Variants in ARFIP1 observed in about 807,000 individuals in gnomAD.
The protein encoded by ARFIP1 is arfaptin-1.
Under a neutral mutation model 42.5 loss-of-function variants are expected in ARFIP1, and 24 were observed. The observed-to-expected ratio is 0.57, with a 90% CI of 0.41 to 0.80. The LOEUF (loss-of-function observed/expected upper bound fraction) is 0.80. Ranked by LOEUF, ARFIP1 falls within the 30% of genes least tolerant of loss-of-function variation. ARFIP1 has a pLI of 0.00. For synonymous variants in ARFIP1, 141 were observed against 153.7 expected, an observed-to-expected ratio of 0.92 and a Z score of 0.61; for missense variants, 354 against 434.0, an observed-to-expected ratio of 0.82 and a Z score of 1.64.
chr4:152,831,801 T>C (rs1731261367), intron 2 of ARFIP1, among the ~76,000 whole-genome samples: 1 of 152,146 alleles, frequency 6.6e-6, no homozygotes. Flanking sequence ...CTGGGATACA[T>C]ATGCAGAACG....
In ARFIP1 at chr4:152,882,779, T is replaced by A. The variant is rs751187430; in HGVS notation, c.690T>A (p.Thr230=). ...TQKLLAKNGE[T]LLGAINFFIA... is the part of the protein sequence containing the mutation. ...AACTGCTGGCTAAAAATGGAGAGACTCTTCTTGGGGCCATTAATTTTTTCA... is the reference window on the plus strand; with the variant it reads ...AACTGCTGGCTAAAAATGGAGAGACACTTCTTGGGGCCATTAATTTTTTCA... The change falls in exon 7 of 9, where the codon ACT becomes ACA. Residue 230 remains threonine, a synonymous_variant. Transcript: ENST00000353617. The A allele has an allele frequency of 1.2e-6, 2 of 1,613,448 alleles. No individual in the cohort carries two copies. The highest frequency in any genetic ancestry group is 1.7e-4 in the Middle Eastern group (1 of 6,054).
At chr4:152,898,599 C>A (rs894639963) in intron 8 of ARFIP1, among the ~76,000 whole-genome samples, 1 of 152,056 alleles carries the variant, frequency 6.6e-6, no homozygotes, top group Non-Finnish European at 1.5e-5. Context: ...AACTTACAGT[C>A]TAAAGGAGGA....
chr4:152,853,566 T>C (rs1231770837), intron 2 of ARFIP1, among the ~76,000 whole-genome samples: 1 of 152,218 alleles, frequency 6.6e-6, no homozygotes, highest in African/African-American at 2.4e-5. Context: ...TAGACACTTT[T>C]CTTGCTGTTT....
chr4:152,859,412 A>G (rs1317691921), intron 2 of ARFIP1, among the ~76,000 whole-genome samples: 1 of 152,194 alleles, frequency 6.6e-6, no homozygotes, highest in Non-Finnish European at 1.5e-5. Context: ...TTTTATGTAC[A>G]GTAGGTAACC....
In ARFIP1 at chr4:152,860,689, A is replaced by G. The variant is rs968571880; in HGVS notation, c.94-2917A>G. 2.6e-5 allele frequency among the ~76,000 whole-genome samples: 4 copies of G among 152,234 alleles called. No homozygotes were observed. The East Asian group carries it at 7.7e-4, about 29-fold the overall frequency. On this transcript the variant is annotated intron_variant, in intron 2 of 8. Transcript: ENST00000353617. ...ACTACAGGATAAAGGAGCCATTCCC[A>G]GACACAATCCCCTCCGTTTAATTTA...
At chr4:152,850,160 G>A (rs1017627856) in intron 2 of ARFIP1, among the ~76,000 whole-genome samples, 1 of 152,180 alleles carries the variant, frequency 6.6e-6, no homozygotes, top group African/African-American at 2.4e-5. Context: ...TCATGGAACA[G>A]ATTTTAAGTG....
At chr4:152,788,267 T>G (rs1002210707) in intron 1 of ARFIP1, among the ~76,000 whole-genome samples, 1 of 152,194 alleles carries the variant, frequency 6.6e-6, no homozygotes, top group Non-Finnish European at 1.5e-5. Context: ...ATATAAAATA[T>G]AGCAATATAG....
At chr4:152,864,123 C>T (rs1734121929) in intron 3 of ARFIP1, among the ~76,000 whole-genome samples, 1 of 152,136 alleles carries the variant, frequency 6.6e-6, no homozygotes, top group Admixed American at 6.5e-5. Flanking sequence ...CAAGACCACA[C>T]TCATTAAAAG....
At chr4:152,900,461 A>G (rs1179490367) in intron 8 of ARFIP1, among the ~76,000 whole-genome samples, 1 of 152,040 alleles carries the variant, frequency 6.6e-6, no homozygotes, top group Non-Finnish European at 1.5e-5. Context: ...ACCTATCCCA[A>G]TGCATCAGAA....
chr4:152,911,504 C>CTATCAGTAGTGTA lies in ARFIP1; in HGVS notation c.*1286_*1298dup, dbSNP rs1172498833. The CTATCAGTAGTGTA allele has an allele frequency of 6.6e-6, 1 of 152,382 alleles. No individual in the cohort carries two copies. Among genetic ancestry groups the CTATCAGTAGTGTA allele is most frequent in the African/African-American group, 2.4e-5 (1 of 41,440 alleles). 9.4% of individuals were successfully genotyped at this position (152,382 alleles called of 1,614,324 possible). A position where few individuals can be genotyped will look rare whatever the true frequency, so the allele number is the denominator to read the frequency against. On this transcript the variant is annotated 3_prime_UTR_variant, in exon 9 of 9. Coordinates refer to ENST00000353617, the MANE Select transcript of ARFIP1 (RefSeq NM_001025595.3). ...TGGTTGCCCTGTCCACTACATGGTTCTATCAGTAGTGTAATCCATTTTCAA... is the reference window on the plus strand; with the variant it reads ...TGGTTGCCCTGTCCACTACATGGTTCTATCAGTAGTGTATATCAGTAGTGTAATCCATTTTCAA...
chr4:152,828,978 C>T (rs1286128852), intron 1 of ARFIP1, among the ~76,000 whole-genome samples: 2 of 152,184 alleles, frequency 1.3e-5, no homozygotes, highest in African/African-American at 4.8e-5. Flanking sequence ...GTGGAAAATA[C>T]AGTCTTTTCA....
intron 8 of ARFIP1, among the ~76,000 whole-genome samples, chr4:152,908,484 C>T (rs542280818): frequency 6.6e-6 from 1 of 152,114 alleles, no homozygotes; most frequent in African/African-American, 2.4e-5. Flanking sequence ...GTGGTGCGTG[C>T]CTGTAATCCC....
intron 1 of ARFIP1, among the ~76,000 whole-genome samples, chr4:152,783,824 A>G (rs192374054): frequency 1.5e-4 from 23 of 152,202 alleles, no homozygotes; most frequent in Admixed American, 9.2e-4. Flanking sequence ...GGGGATGGAT[A>G]TAAGTCTCTG....
Position 152,881,034 on chromosome 4 carries a change from G to C in ARFIP1, c.483G>C (p.Gln161His). The C allele has an allele frequency of 6.2e-7, 1 of 1,613,920 alleles. No individual in the cohort carries two copies. Among genetic ancestry groups the C allele is most frequent in the Non-Finnish European group, 8.5e-7 (1 of 1,179,858 alleles). Residue 161 changes from glutamine (Q) to histidine (H), a missense_variant, in exon 6 of 9, where the codon CAG becomes CAC. Physicochemically the swap from Gln to His is conservative, Grantham distance 24. Coordinates refer to ENST00000353617, the MANE Select transcript of ARFIP1 (RefSeq NM_001025595.3). ...CTGTGGACCTTGAACTTGAAGCTCA[G>C]ATTGATATATTAAGGGATAACAAGA... ...SRTVDLELEA[Q>H]IDILRDNKKK... is the part of the protein sequence containing the mutation.
At position 152,803,828 on chromosome 4, in the gene ARFIP1, AG is replaced by A. The variant is rs376641539; in HGVS notation, c.-10+23605del. Among the ~76,000 whole-genome samples the A allele has an allele frequency of 2.4e-3, 357 of 151,730 alleles. 2 individuals are homozygous for A. The highest frequency in any genetic ancestry group is 8.2e-3 in the African/African-American group (337 of 41,342). Reference sequence around the variant, plus strand: ...ATCAGTCTGCAGTTGTTGGAAGTGAAGGGTCAGAGTAAATTAAGAGGGGTGC... The same window carrying A: ...ATCAGTCTGCAGTTGTTGGAAGTGAAGGTCAGAGTAAATTAAGAGGGGTGC... On this transcript the variant is annotated intron_variant, in intron 1 of 8. Coordinates refer to ENST00000353617, the MANE Select transcript of ARFIP1 (RefSeq NM_001025595.3).
intron 1 of ARFIP1, among the ~76,000 whole-genome samples, chr4:152,785,019 G>A (rs540171373): frequency 3.7e-4 from 56 of 152,222 alleles, no homozygotes; most frequent in African/African-American, 1.3e-3. Flanking sequence ...GCCAACTCCA[G>A]TTTCTGCTAG....
chr4:152,910,259 T>C lies in ARFIP1; in HGVS notation c.*40T>C. ...ATAAAAAGAAAGTCGCGTTGTTATA[T>C]TTCTAAACCAACCTAACAAGAATTA... is the stretch of plus-strand genomic sequence containing the variant. On this transcript the variant is annotated 3_prime_UTR_variant, in exon 9 of 9. Transcript: ENST00000353617. 6.3e-7 allele frequency: 1 copy of C among 1,596,542 alleles called. No individual in the cohort carries two copies.
At chr4:152,875,344 A>G (rs62319924) in intron 5 of ARFIP1, among the ~76,000 whole-genome samples, 6,221 of 149,928 alleles carry the variant, frequency 0.041, 160 homozygotes, top group South Asian at 0.11. Flanking sequence ...TCCTAGTCTA[A>G]AGTAGAGTGC....
Position 152,882,900 on chromosome 4 carries a change from T to C in ARFIP1, c.791+20T>C. ...TGCCAGGTAAGGTATACATTTTCAC[T>C]GTGTTGTCTGTTTTACAGATGGCAT... On this transcript the variant is annotated intron_variant, in intron 7 of 8. Coordinates refer to ENST00000353617, the MANE Select transcript of ARFIP1 (RefSeq NM_001025595.3). 6.3e-7 allele frequency: 1 copy of C among 1,588,080 alleles called. No homozygotes were observed. Among genetic ancestry groups the C allele is most frequent in the Non-Finnish European group, 8.5e-7 (1 of 1,169,644 alleles).
Sources: allele counts gnomAD v4.1 joint callset (sites outside exome capture counted in the v4.1 genomes callset), GRCh38; gene constraint gnomAD v4.1.1; transcripts MANE v1.5; gene names NCBI Gene and HGNC (gene_info 2026-07-23, HGNC 2026-07-21).